Variants in CAMK1D observed in about 807,000 individuals in gnomAD.
CAMK1D encodes the protein calcium/calmodulin-dependent protein kinase type 1D.
In CAMK1D, 9 loss-of-function variants were observed where a neutral mutation model predicts 47.7. The observed-to-expected ratio is 0.19, with a 90% CI of 0.11 to 0.33. The LOEUF is 0.33. Ranked by LOEUF, CAMK1D falls within the 10% of genes least tolerant of loss-of-function variation. The probability of loss-of-function intolerance (pLI) is 1.00; values close to 1 mark genes in which losing one functional copy is unlikely to be tolerated. For synonymous variants in CAMK1D, 184 were observed against 184.9 expected (o/e 0.99, Z 0.04); for missense variants, 291 against 488.7 (o/e 0.60, Z 3.81).
At chr10:12,531,563 G>C (rs897881043) in intron 1 of CAMK1D, among the ~76,000 whole-genome samples, 1 of 152,218 alleles carries the variant, frequency 6.6e-6, no homozygotes, top group Non-Finnish European at 1.5e-5. Flanking sequence ...CACGGAGCAG[G>C]AGAGACTCCA....
chr10:12,524,692 G>C (rs1237415308), intron 1 of CAMK1D, among the ~76,000 whole-genome samples: 1 of 151,718 alleles, frequency 6.6e-6, no homozygotes, highest in Non-Finnish European at 1.5e-5. Context: ...GGGCGACAGA[G>C]TGAGACTCCA....
chr10:12,787,048 G>A (rs1252327011), intron 5 of CAMK1D, among the ~76,000 whole-genome samples: 1 of 152,126 alleles, frequency 6.6e-6, no homozygotes, highest in Non-Finnish European at 1.5e-5. Flanking sequence ...GCTGGAACCT[G>A]GGAGGCAGAG....
At chr10:12,605,837 C>T (rs1287860485) in intron 2 of CAMK1D, among the ~76,000 whole-genome samples, 1 of 152,184 alleles carries the variant, frequency 6.6e-6, no homozygotes, top group Non-Finnish European at 1.5e-5. Context: ...TATTGAGAAA[C>T]CAAAAGTAAA....
intron 3 of CAMK1D, among the ~76,000 whole-genome samples, chr10:12,736,067 G>A (rs1392175966): frequency 6.6e-6 from 1 of 152,242 alleles, no homozygotes; most frequent in African/African-American, 2.4e-5. Context: ...CAGATCTGCA[G>A]CAGGTTTTGA....
intron 1 of CAMK1D, among the ~76,000 whole-genome samples, chr10:12,488,769 C>T (rs564876545): frequency 1.1e-4 from 17 of 152,190 alleles, no homozygotes; most frequent in Non-Finnish European, 5.9e-5. Context: ...AGATCCCTCG[C>T]GTGCGCAGTT....
At chr10:12,783,491 C>T (rs994373339) in intron 5 of CAMK1D, among the ~76,000 whole-genome samples, 5 of 152,188 alleles carry the variant, frequency 3.3e-5, no homozygotes, top group African/African-American at 1.2e-4. Context: ...AAGGGCTTCG[C>T]CGTTTCCTCC....
rs1838437348 is a variant in CAMK1D, at chr10:12,605,685, G to C, written c.224+52329G>C. 3.9e-5 allele frequency among the ~76,000 whole-genome samples: 6 copies of C among 152,152 alleles called. No homozygotes were observed. The South Asian group carries it at 1.2e-3, about 32-fold the overall frequency. On this transcript the variant is annotated intron_variant, in intron 2 of 10. Transcript: ENST00000619168. ...TTGGGGAGGAAGGAGGGGAGCCCTG[G>C]GGGCTGCGGTGCCACTGGCAGCCCC...
At chr10:12,521,208 G>A (rs1835405882) in intron 1 of CAMK1D, among the ~76,000 whole-genome samples, 1 of 152,076 alleles carries the variant, frequency 6.6e-6, no homozygotes, top group Non-Finnish European at 1.5e-5. Context: ...GAAGTGAAAT[G>A]TTATATGTTT....
chr10:12,512,497 G>A (rs992722286), intron 1 of CAMK1D, among the ~76,000 whole-genome samples: 26 of 152,176 alleles, frequency 1.7e-4, no homozygotes, highest in Non-Finnish European at 2.9e-5. Flanking sequence ...CCGGGTTCAA[G>A]CGATTCTTCT....
At chr10:12,354,674 T>G (rs1837451691) in intron 1 of CAMK1D, among the ~76,000 whole-genome samples, 1 of 151,866 alleles carries the variant, frequency 6.6e-6, no homozygotes, top group Admixed American at 6.6e-5. Context: ...CCTCCCAAAG[T>G]GCTGGGATTA....
At chr10:12,382,134 A>G (rs560103455) in intron 1 of CAMK1D, among the ~76,000 whole-genome samples, 74 of 152,282 alleles carry the variant, frequency 4.9e-4, no homozygotes, top group African/African-American at 1.7e-3. Context: ...CTTAAAGTCA[A>G]TTTCCAAGAA....
At chr10:12,705,334 T>C (rs958056385) in intron 3 of CAMK1D, among the ~76,000 whole-genome samples, 4 of 151,656 alleles carry the variant, frequency 2.6e-5, no homozygotes, top group Non-Finnish European at 4.4e-5. Flanking sequence ...GATGGTGAAC[T>C]CCTGTAATCC....
At chr10:12,554,740 C>T (rs1337763491) in intron 2 of CAMK1D, among the ~76,000 whole-genome samples, 1 of 151,854 alleles carries the variant, frequency 6.6e-6, no homozygotes, top group Non-Finnish European at 1.5e-5. Context: ...ATGGAGGGCT[C>T]ACTGTGTTGC....
chr10:12,742,592 T>C (rs1424524050), intron 3 of CAMK1D, among the ~76,000 whole-genome samples: 4 of 152,228 alleles, frequency 2.6e-5, no homozygotes, highest in Non-Finnish European at 4.4e-5. Context: ...AAATTATGTC[T>C]GGTAGATTTT....
intron 8 of CAMK1D, among the ~76,000 whole-genome samples, chr10:12,817,663 A>G (rs1832851020): frequency 6.6e-6 from 1 of 152,214 alleles, no homozygotes; most frequent in Non-Finnish European, 1.5e-5. Flanking sequence ...CTGGTCCATC[A>G]GAAATGCTTA....
chr10:12,407,851 TTTTTTTTTTTC>T (rs1312140564), intron 1 of CAMK1D, among the ~76,000 whole-genome samples: 1 of 115,056 alleles, frequency 8.7e-6, no homozygotes, highest in Non-Finnish European at 1.9e-5. Context: ...GGCTGACTCT[TTTTTTTTTTTC>T]TTTTTTTTTT....
At chr10:12,684,865 G>A (rs925212847) in intron 3 of CAMK1D, among the ~76,000 whole-genome samples, 3 of 152,114 alleles carry the variant, frequency 2.0e-5, no homozygotes, top group Admixed American at 1.3e-4. Context: ...TATAAAACAG[G>A]CAAACATTTA....
chr10:12,370,432 A>G (rs1020015503), intron 1 of CAMK1D, among the ~76,000 whole-genome samples: 11 of 152,190 alleles, frequency 7.2e-5, no homozygotes, highest in African/African-American at 1.7e-4. Flanking sequence ...CAACGGTAGA[A>G]CAGCCTCAGG....
Position 12,726,645 on chromosome 10 carries a change from C to G in CAMK1D, c.300-34303C>G, listed in dbSNP as rs546532433. Among the ~76,000 whole-genome samples the G allele has an allele frequency of 5.3e-5, 8 of 152,240 alleles. No homozygotes were observed. The East Asian group carries it at 1.5e-3, about 29-fold the overall frequency. On this transcript the variant is annotated intron_variant, in intron 3 of 10. Coordinates refer to ENST00000619168, the MANE Select transcript of CAMK1D (RefSeq NM_153498.4). ...GCTGTATATAGTGCAAGGCTGTGCT[C>G]AACGCTTTATAGAATTCATTAAATT...
Sources: allele counts gnomAD v4.1 joint callset (sites outside exome capture counted in the v4.1 genomes callset), GRCh38; gene constraint gnomAD v4.1.1; transcripts MANE v1.5; gene names NCBI Gene and HGNC (gene_info 2026-07-23, HGNC 2026-07-21).